CPNE3: variants seen among roughly 807,000 people sequenced by gnomAD.
CPNE3 encodes the protein copine 3.
A neutral mutation model predicts 63.9 loss-of-function variants in CPNE3; 68 were observed. The ratio of observed to expected loss-of-function variants is 1.06; its 90% CI spans 0.87 to 1.30. The LOEUF is 1.30. CPNE3 is among the 50% of genes most tolerant of loss of function. The pLI is 0.00. For missense variants in CPNE3, 665 were observed against 578.1 expected, an observed-to-expected ratio of 1.15 and a Z score of -1.54; for synonymous variants, 219 against 197.5, an observed-to-expected ratio of 1.11 and a Z score of -0.91.
At chr8:86,528,761 A>T in intron 3 of CPNE3, 84 bp downstream of exon 3, 1 of 1,469,378 alleles carries the variant, frequency 6.8e-7, no homozygotes. Context: ...AAAAATAACA[A>T]CACTATCTCA....
chr8:86,545,195 A>T (rs1821022271), intron 9 of CPNE3: 1 of 155,540 alleles, frequency 6.4e-6, no homozygotes, highest in Non-Finnish European at 1.4e-5. Flanking sequence ...AGGGAACCAC[A>T]CTTTACTTAC....
chr8:86,540,559 A>T (rs1423260688), intron 8 of CPNE3, among the ~76,000 whole-genome samples: 2 of 152,326 alleles, frequency 1.3e-5, no homozygotes, highest in East Asian at 1.9e-4. Flanking sequence ...GCTTAGTCAA[A>T]CAGTGTCGTT....
intron 8 of CPNE3, among the ~76,000 whole-genome samples, chr8:86,544,349 A>G (rs185580451): frequency 6.2e-4 from 95 of 152,336 alleles, no homozygotes; most frequent in African/African-American, 2.0e-3. Flanking sequence ...TTCTTTCTCC[A>G]TATAATGGCT....
At chr8:86,537,454 C>T in intron 6 of CPNE3, 109 bp from the exon 7 acceptor site, 1 of 717,236 alleles carries the variant, frequency 1.4e-6, no homozygotes, top group Non-Finnish European at 2.5e-6. Context: ...ACTATCAATA[C>T]TATAGAGTTA....
At chr8:86,556,010 A>G (rs1273732198) in intron 15 of CPNE3, 92 bp from the exon 16 acceptor site, 2 of 749,942 alleles carry the variant, frequency 2.7e-6, no homozygotes, top group African/African-American at 3.4e-5. Context: ...GGCAAGGAAA[A>G]TGAACAAGAA....
intron 7 of CPNE3, among the ~76,000 whole-genome samples, chr8:86,539,292 G>T (rs151307728): frequency 6.6e-6 from 1 of 152,176 alleles, no homozygotes; most frequent in Non-Finnish European, 1.5e-5. Context: ...TATGTTCTCA[G>T]TTCCCCTTGT....
At chr8:86,548,567 A>G (rs1821106055) in intron 12 of CPNE3, 133 bp downstream of exon 12, 3 of 1,120,704 alleles carry the variant, frequency 2.7e-6, no homozygotes, top group Non-Finnish European at 3.8e-6. Context: ...CCCCCGTCTT[A>G]TCTTCTATTT....
chr8:86,520,554 C>CA (rs535323913), intron 2 of CPNE3, among the ~76,000 whole-genome samples: 85 of 130,544 alleles, frequency 6.5e-4, no homozygotes, highest in African/African-American at 6.9e-4. Context: ...AAGTCCATCT[C>CA]AAAAAAAAAA....
intron 8 of CPNE3, among the ~76,000 whole-genome samples, chr8:86,540,645 C>T (rs1403114516): frequency 6.6e-6 from 1 of 152,074 alleles, no homozygotes; most frequent in Non-Finnish European, 1.5e-5. Flanking sequence ...TTCCTCTGCT[C>T]TGCTAATAGG....
At chr8:86,540,972 A>G (rs186706191) in intron 8 of CPNE3, among the ~76,000 whole-genome samples, 72 of 152,324 alleles carry the variant, frequency 4.7e-4, no homozygotes, top group Admixed American at 9.8e-4. Flanking sequence ...GGTGTTGAGA[A>G]TGAAAAATAT....
chr8:86,547,205 A>T (rs763869126), intron 10 of CPNE3: 3 of 153,612 alleles, frequency 2.0e-5, no homozygotes, highest in Non-Finnish European at 2.9e-5. Flanking sequence ...TTATTTGCAA[A>T]GGACAAGGAT....
At chr8:86,536,652 T>C (rs1211332058) in intron 6 of CPNE3, among the ~76,000 whole-genome samples, 1 of 152,212 alleles carries the variant, frequency 6.6e-6, no homozygotes, top group African/African-American at 2.4e-5. Context: ...AGCTCAGGGA[T>C]GTATCTGCAT....
chr8:86,532,349 A>G (rs1488768427), intron 5 of CPNE3, among the ~76,000 whole-genome samples, 160 bp from the exon 6 acceptor site: 2 of 152,224 alleles, frequency 1.3e-5, no homozygotes, highest in Non-Finnish European at 2.9e-5. Context: ...AAAAGAAATA[A>G]TGGTAGATCT....
chr8:86,514,550 G>T lies in CPNE3; in HGVS notation c.-49+9G>T, dbSNP rs567507056. 1 of 152,412 alleles carries T rather than the reference G, an allele frequency of 6.6e-6. No homozygotes were observed. The highest frequency in any genetic ancestry group is 1.9e-4 in the East Asian group (1 of 5,178). 9.4% of individuals were successfully genotyped at this position (152,412 alleles called of 1,614,324 possible). Reference sequence around the variant, plus strand: ...ACCTCTAAGACTCCCACGTGAGTGCGGGCGTCTCCCAGTTCCTGGGCCGGT... The same window carrying T: ...ACCTCTAAGACTCCCACGTGAGTGCTGGCGTCTCCCAGTTCCTGGGCCGGT... On this transcript the variant is annotated intron_variant, in intron 1 of 16. Coordinates refer to ENST00000517490, the MANE Select transcript of CPNE3 (RefSeq NM_003909.5).
chr8:86,529,030 A>G lies in CPNE3; in HGVS notation c.218A>G (p.Gln73Arg). ...FIIDYYFEVV[Q>R]KLKFGVYDID... ...ATTGATTACTACTTTGAAGTGGTTC[A>G]GAAATTGAAATTTGGGGTTTATGAC... The change falls in exon 4 of 17, where the codon CAG becomes CGG. Residue 73 changes from glutamine to arginine, a missense_variant. Transcript: ENST00000517490. The G allele has an allele frequency of 6.2e-7, 1 of 1,613,886 alleles. No individual in the cohort carries two copies. The highest frequency in any genetic ancestry group is 8.5e-7 in the Non-Finnish European group (1 of 1,179,812).
chr8:86,551,859 A>G (rs1821186756), intron 14 of CPNE3, among the ~76,000 whole-genome samples: 1 of 152,226 alleles, frequency 6.6e-6, no homozygotes, highest in Non-Finnish European at 1.5e-5. Flanking sequence ...AGGTCTCGCT[A>G]TGTTGGCCAG....
At position 86,540,235 on chromosome 8, in the gene CPNE3, A is replaced by T; in HGVS notation, c.544-10A>T. The T allele has an allele frequency of 6.3e-7, 1 of 1,582,570 alleles. No individual in the cohort carries two copies. Among genetic ancestry groups the T allele is most frequent in the Non-Finnish European group, 8.7e-7 (1 of 1,152,458 alleles). ...TTTTCTAACAGCTTTTTGAAACCAC[A>T]TTTTTATAGGTTGTTAAAAACAACT... On this transcript the variant is annotated splice_polypyrimidine_tract_variant and intron_variant, in intron 7 of 16. Transcript: ENST00000517490.
chr8:86,546,461 G>A (rs1821051790), intron 9 of CPNE3, 134 bp from the exon 10 acceptor site: 1 of 801,236 alleles, frequency 1.2e-6, no homozygotes, highest in Non-Finnish European at 2.0e-6. Context: ...AATTGTTTCA[G>A]AGTTATATTT....
intron 15 of CPNE3, among the ~76,000 whole-genome samples, chr8:86,555,234 C>CA (rs779325860): frequency 0.067 from 9,015 of 135,552 alleles, 820 homozygotes; most frequent in African/African-American, 0.21. Context: ...TAGGTTCTAC[C>CA]AAAAAAAAAA....
Sources: allele counts gnomAD v4.1 joint callset (sites outside exome capture counted in the v4.1 genomes callset), GRCh38; gene constraint gnomAD v4.1.1; transcripts MANE v1.5; gene names NCBI Gene and HGNC (gene_info 2026-07-23, HGNC 2026-07-21).